Variants in SHISAL1 observed in about 807,000 individuals in gnomAD.
SHISAL1 encodes the protein shisa like 1.
Under a neutral mutation model 22.6 loss-of-function variants are expected in SHISAL1, and 9 were observed. The observed-to-expected ratio is 0.40, with a 90% CI of 0.24 to 0.70. The LOEUF is 0.70. Ranked by LOEUF, SHISAL1 falls within the 30% of genes least tolerant of loss-of-function variation. The pLI is 0.39. For missense variants in SHISAL1, 246 were observed against 270.6 expected, an observed-to-expected ratio of 0.91 and a Z score of 0.64; for synonymous variants, 119 against 115.4, an observed-to-expected ratio of 1.03 and a Z score of -0.20.
intron 1 of SHISAL1, among the ~76,000 whole-genome samples, chr22:44,301,511 C>T (rs1245713771): frequency 6.6e-6 from 1 of 152,244 alleles, no homozygotes; most frequent in African/African-American, 2.4e-5. Context: ...AGGCTGACAA[C>T]ACGCAAACAA....
At position 44,299,210 on chromosome 22, in the gene SHISAL1, A is replaced by AG. The variant is rs1455060723; in HGVS notation, c.67+1668dup. ...TGGGGCATGGCGTGACTCCAGGCCG[A>AG]GGGACACTCTGTTAGGAGGCCCCAG... On this transcript the variant is annotated intron_variant, in intron 2 of 4. Transcript: ENST00000381176. 3.3e-5 allele frequency among the ~76,000 whole-genome samples: 5 copies of AG among 152,156 alleles called. No homozygotes were observed. The East Asian group carries it at 9.6e-4, about 29-fold the overall frequency.
At position 44,285,633 on chromosome 22, in the gene SHISAL1, G is replaced by C; in HGVS notation, c.394C>G (p.Leu132Val). The C allele has an allele frequency of 1.2e-6, 2 of 1,614,206 alleles. No homozygotes were observed. Among genetic ancestry groups the C allele is most frequent in the South Asian group, 2.2e-5 (2 of 91,092 alleles). Residue 132 changes from leucine to valine, a missense_variant, in exon 4 of 5, where the codon CTG (leucine) becomes GTG (valine). Around this residue, in one of 2 missense-constraint regions of SHISAL1, gnomAD observed 136 missense variants for 117.5 expected, o/e 1.16. Coordinates refer to ENST00000381176, the MANE Select transcript of SHISAL1 (RefSeq NM_001099294.2). ...CGTCCTTGGATGCCCCACCGTGCCAGGTAGACCTTGCAGATGTCGTAGTTC... is the reference window on the plus strand; with the variant it reads ...CGTCCTTGGATGCCCCACCGTGCCACGTAGACCTTGCAGATGTCGTAGTTC... ...AMNYDICKVYLARWGIQGRWM... is the reference protein window; with the variant it reads ...AMNYDICKVYVARWGIQGRWM...
chr22:44,249,614 G>T lies in SHISAL1; in HGVS notation c.*71C>A. Reference sequence around the variant, plus strand: ...TGTCCCTGGCATCTCTGTAGAAGTTGTTCTTCTCGGAGGCTGCACCGGGTG... The same window carrying T: ...TGTCCCTGGCATCTCTGTAGAAGTTTTTCTTCTCGGAGGCTGCACCGGGTG... On this transcript the variant is annotated 3_prime_UTR_variant, in exon 5 of 5. Transcript: ENST00000381176. 1.3e-6 allele frequency: 1 copy of T among 775,510 alleles called. No individual in the cohort carries two copies. The allele number at this position is 775,510 out of a possible 1,614,324, so 48.0% of individuals were successfully genotyped here. A position where few individuals can be genotyped will look rare whatever the true frequency, so the allele number is the denominator to read the frequency against.
chr22:44,282,730 A>G lies in SHISAL1; in HGVS notation c.599+2698T>C, dbSNP rs1160782064. 3.9e-4 allele frequency among the ~76,000 whole-genome samples: 60 copies of G among 152,164 alleles called. 2 individuals are homozygous for G. Among genetic ancestry groups the G allele is most frequent in the Admixed American group, 3.9e-3 (60 of 15,286 alleles). On this transcript the variant is annotated intron_variant, in intron 4 of 4. Coordinates refer to ENST00000381176, the MANE Select transcript of SHISAL1 (RefSeq NM_001099294.2). ...AGCGGCACTCAGCAGGAGGCTCCTG[A>G]GAGGGCTGTGAGGGGAACAGAAGCC...
intron 4 of SHISAL1, among the ~76,000 whole-genome samples, chr22:44,274,786 G>A (rs537421071): frequency 2.6e-5 from 4 of 152,162 alleles, no homozygotes; most frequent in African/African-American, 4.8e-5. Context: ...GTGTGTGAGC[G>A]GGATCCCGAG....
At chr22:44,284,853 A>C (rs2055300362) in intron 4 of SHISAL1, among the ~76,000 whole-genome samples, 1 of 141,940 alleles carries the variant, frequency 7.0e-6, no homozygotes, top group East Asian at 2.1e-4. Context: ...TGGGGCAGCC[A>C]CCCCACAAGG....
At position 44,249,635 on chromosome 22, in the gene SHISAL1, G is replaced by A. The variant is rs201833495; in HGVS notation, c.*50C>T. Reference sequence around the variant, plus strand: ...AGTTGTTCTTCTCGGAGGCTGCACCGGGTGCTTCAGATCTCATCTCCCCCA... The same window carrying A: ...AGTTGTTCTTCTCGGAGGCTGCACCAGGTGCTTCAGATCTCATCTCCCCCA... On this transcript the variant is annotated 3_prime_UTR_variant, in exon 5 of 5. Transcript: ENST00000381176. 2.9e-3 allele frequency: 2,226 copies of A among 779,034 alleles called. 37 individuals are homozygous for A. The highest frequency in any genetic ancestry group is 0.021 in the South Asian group (1,570 of 74,430). 48.3% of individuals were successfully genotyped at this position (779,034 alleles called of 1,614,324 possible). A position where few individuals can be genotyped will look rare whatever the true frequency, so the allele number is the denominator to read the frequency against.
intron 2 of SHISAL1, among the ~76,000 whole-genome samples, chr22:44,299,291 G>A (rs1231395311): frequency 1.3e-5 from 2 of 152,204 alleles, no homozygotes; most frequent in Non-Finnish European, 2.9e-5. Flanking sequence ...CCTCAACCAT[G>A]AACGCACCCC....
rs949335584 is a variant in SHISAL1, at chr22:44,244,772, T to TATCTGAA, written c.*4906_*4912dup. 1 of 152,224 alleles carries TATCTGAA rather than the reference T, an allele frequency of 6.6e-6. No homozygotes were observed. The highest frequency in any genetic ancestry group is 1.5e-5 in the Non-Finnish European group (1 of 68,058). The allele number at this position is 152,224 out of a possible 1,614,324, so 9.4% of individuals were successfully genotyped here. On this transcript the variant is annotated 3_prime_UTR_variant, in exon 5 of 5. Transcript: ENST00000381176. Reference sequence around the variant, plus strand: ...AGGCAAGTGGCAGGCACTCGGCAAGTATCTGAATAGGTGAGGGAAGCGCGT... The same window carrying TATCTGAA: ...AGGCAAGTGGCAGGCACTCGGCAAGTATCTGAAATCTGAATAGGTGAGGGAAGCGCGT...
chr22:44,325,247 G>GA, the SHISAL1 span, among the ~76,000 whole-genome samples: 37,444 of 126,490 alleles, frequency 0.3, 5,187 homozygotes, highest in African/African-American at 0.38. Flanking sequence ...CGTCTCAAAA[G>GA]AAAAAAAAAA....
chr22:44,330,584 C>G, the SHISAL1 span, among the ~76,000 whole-genome samples: 2 of 152,190 alleles, frequency 1.3e-5, no homozygotes, highest in East Asian at 3.9e-4. Flanking sequence ...TGGACCCGGC[C>G]TTGTTTGCCC....
At chr22:44,280,196 G>A (rs886125155) in intron 4 of SHISAL1, among the ~76,000 whole-genome samples, 2 of 152,182 alleles carry the variant, frequency 1.3e-5, no homozygotes, top group Non-Finnish European at 2.9e-5. Context: ...GCAAGGAGGT[G>A]TGAATCTGCA....
the SHISAL1 span, among the ~76,000 whole-genome samples, chr22:44,326,146 C>T: frequency 6.6e-6 from 1 of 152,098 alleles, no homozygotes; most frequent in Non-Finnish European, 1.5e-5. Flanking sequence ...ATTCTCCCGA[C>T]AAAGGAAAGG....
Position 44,285,738 on chromosome 22 carries a change from T to C in SHISAL1, c.289A>G (p.Thr97Ala). The C allele has an allele frequency of 2.5e-6, 4 of 1,608,746 alleles. No individual in the cohort carries two copies. Among genetic ancestry groups the C allele is most frequent in the Non-Finnish European group, 3.4e-6 (4 of 1,175,814 alleles). ...TAGATCCACACTCCCAACAAGGCGG[T>C]GTAATTGCTGCGAACAAACAGAGAG... ...SSEGYMHNNY[T>A]ALLGVWIYGF... The change falls in exon 4 of 5, where the codon ACC becomes GCC. Residue 97 changes from threonine (T) to alanine (A), a missense_variant. By Grantham distance (58) the Thr-to-Ala change is moderately conservative. Coordinates refer to ENST00000381176, the MANE Select transcript of SHISAL1 (RefSeq NM_001099294.2).
intron 1 of SHISAL1, among the ~76,000 whole-genome samples, chr22:44,306,559 G>T (rs1273987255): frequency 3.3e-5 from 1 of 30,666 alleles, no homozygotes. Context: ...GTGTGGAGGG[G>T]AACTGAGCTC....
chr22:44,308,299 C>A (rs890137973), intron 1 of SHISAL1, among the ~76,000 whole-genome samples: 1 of 152,234 alleles, frequency 6.6e-6, no homozygotes, highest in Non-Finnish European at 1.5e-5. Flanking sequence ...AAGCCCTAGG[C>A]GGCCCCCAGA....
intron 4 of SHISAL1, among the ~76,000 whole-genome samples, chr22:44,279,915 G>A (rs1368955310): frequency 1.3e-5 from 2 of 152,184 alleles, no homozygotes; most frequent in Non-Finnish European, 2.9e-5. Context: ...AACCCAACAA[G>A]ACCCAGGGGA....
intron 1 of SHISAL1, among the ~76,000 whole-genome samples, chr22:44,312,168 G>A (rs961534549): frequency 6.6e-6 from 1 of 152,174 alleles, no homozygotes. Flanking sequence ...CTGCCTTGAA[G>A]GCGTATTCGG....
chr22:44,258,969 G>A (rs908369811), intron 4 of SHISAL1, among the ~76,000 whole-genome samples: 1 of 152,172 alleles, frequency 6.6e-6, no homozygotes, highest in Non-Finnish European at 1.5e-5. Flanking sequence ...ACCAGAAGGT[G>A]TGACCAGCTC....
Sources: allele counts gnomAD v4.1 joint callset (sites outside exome capture counted in the v4.1 genomes callset), GRCh38; gene constraint gnomAD v4.1.1; regional missense constraint gnomAD v4.1.1; transcripts MANE v1.5; gene names NCBI Gene and HGNC (gene_info 2026-07-23, HGNC 2026-07-21).